ATP12A: variants seen among roughly 807,000 people sequenced by gnomAD.
ATP12A encodes the protein potassium-transporting ATPase alpha chain 2.
ATP12A carries 81 observed loss-of-function variants against 111.2 expected under a neutral mutation model. The ratio of observed to expected loss-of-function variants is 0.73; its 90% confidence interval spans 0.61 to 0.88. The LOEUF (loss-of-function observed/expected upper bound fraction) is 0.88, where lower values mean the gene tolerates loss of function less well. Ranked by LOEUF, ATP12A falls within the 40% of genes least tolerant of loss-of-function variation. The pLI, the probability that ATP12A is intolerant of heterozygous loss-of-function variation, is 0.00. For synonymous variants in ATP12A, 498 were observed against 499.8 expected, an observed-to-expected ratio of 1.00 and a Z score of 0.05; for missense variants, 1,196 against 1,313.1, an observed-to-expected ratio of 0.91 and a Z score of 1.38.
intron 17 of ATP12A, among the ~76,000 whole-genome samples, chr13:24,708,622 C>T (rs1055750691): frequency 3.3e-5 from 5 of 152,028 alleles, no homozygotes; most frequent in Admixed American, 6.6e-5. Flanking sequence ...ACACCTGTAG[C>T]CTAGCTACTC....
intron 8 of ATP12A, among the ~76,000 whole-genome samples, chr13:24,692,212 C>T (rs192683727): frequency 6.6e-6 from 1 of 152,280 alleles, no homozygotes; most frequent in East Asian, 1.9e-4. Context: ...AAAAGCATCT[C>T]ATATTTAATC....
intron 6 of ATP12A, 48 bp from the exon 7 acceptor site, chr13:24,690,556 C>G: frequency 6.2e-7 from 1 of 1,602,330 alleles, no homozygotes; most frequent in Non-Finnish European, 8.5e-7. Flanking sequence ...GTATAAGAGG[C>G]AGGGAATGAG....
At chr13:24,686,606 G>GC (rs1874678909) in intron 3 of ATP12A, among the ~76,000 whole-genome samples, 2 of 152,098 alleles carry the variant, frequency 1.3e-5, no homozygotes, top group Admixed American at 6.5e-5. Context: ...GGGCACGGTG[G>GC]CGGGCGCCTG....
intron 14 of ATP12A, among the ~76,000 whole-genome samples, chr13:24,705,670 A>G (rs1484321960): frequency 6.6e-6 from 1 of 151,962 alleles, no homozygotes; most frequent in East Asian, 1.9e-4. Flanking sequence ...TGGGGGTTTT[A>G]TTTTTATTTT....
At chr13:24,700,112 C>G (rs571786848) in intron 12 of ATP12A, among the ~76,000 whole-genome samples, 13 of 152,316 alleles carry the variant, frequency 8.5e-5, no homozygotes, top group African/African-American at 3.1e-4. Flanking sequence ...GGAGGTCCCA[C>G]CAGACACAAG....
chr13:24,706,911 G>T, intron 15 of ATP12A, 112 bp from the exon 16 acceptor site: 1 of 1,235,660 alleles, frequency 8.1e-7, no homozygotes. Context: ...TTTCCGTTCA[G>T]CTATAATCAT....
chr13:24,705,715 G>T (rs1019078826), intron 14 of ATP12A, among the ~76,000 whole-genome samples: 3 of 152,154 alleles, frequency 2.0e-5, no homozygotes, highest in Non-Finnish European at 2.9e-5. Context: ...TGTCACCCAG[G>T]CTTGAGTGTA....
chr13:24,701,501 C>CAAA (rs10586421), intron 13 of ATP12A, among the ~76,000 whole-genome samples: 15 of 101,348 alleles, frequency 1.5e-4, no homozygotes, highest in Non-Finnish European at 2.0e-4. Flanking sequence ...AACTCTGTCT[C>CAAA]AAAAAAAAAA....
In ATP12A at chr13:24,701,960, C is replaced by A. The variant is rs1300259448; in HGVS notation, c.1907C>A (p.Pro636His). The change falls in exon 14 of 23, where the codon CCC becomes CAC. Residue 636 changes from proline (P) to histidine (H), a missense_variant. Physicochemically the swap from Pro to His is moderately conservative, Grantham distance 77. This residue lies in a region of ATP12A where 1,126 missense variants were observed against 1,228.5 expected (regional missense o/e 0.92). Coordinates refer to ENST00000381946, the MANE Select transcript of ATP12A (RefSeq NM_001676.7). ...IKVIMVTGDHPITAKAIAKSV... is the reference protein window; with the variant it reads ...IKVIMVTGDHHITAKAIAKSV... Reference sequence around the variant, plus strand: ...GTTATTATGGTTACTGGTGATCATCCCATCACAGCCAAAGCTATTGCCAAG... The same window carrying A: ...GTTATTATGGTTACTGGTGATCATCACATCACAGCCAAAGCTATTGCCAAG... The A allele has an allele frequency of 6.2e-7, 1 of 1,614,224 alleles. No individual in the cohort carries two copies.
At position 24,707,367 on chromosome 13, in the gene ATP12A, C is replaced by T; in HGVS notation, c.2427C>T (p.Ile809=). The T allele has an allele frequency of 3.1e-6, 5 of 1,614,254 alleles. No individual in the cohort carries two copies. The highest frequency in any genetic ancestry group is 4.2e-6 in the Non-Finnish European group (5 of 1,180,040). The change falls in exon 17 of 23, where the codon ATC becomes ATT. Residue 809 remains isoleucine, a synonymous_variant. Coordinates refer to ENST00000381946, the MANE Select transcript of ATP12A (RefSeq NM_001676.7). ...AGCTGTGCCCCTTTCTGATCTACAT[C>T]ATTGTCGGGCTCCCCCTGCCCATTG... ...IAELCPFLIY[I]IVGLPLPIGT...
chr13:24,708,094 C>T (rs1875749767), intron 17 of ATP12A, among the ~76,000 whole-genome samples: 1 of 152,138 alleles, frequency 6.6e-6, no homozygotes. Flanking sequence ...CCACTGGGGG[C>T]CCAGTGACTA....
intron 11 of ATP12A, among the ~76,000 whole-genome samples, chr13:24,695,600 C>CTTTTTTTTT (rs34227271): frequency 2.3e-5 from 2 of 88,412 alleles, no homozygotes; most frequent in African/African-American, 4.8e-5. Context: ...GGGAAGAACT[C>CTTTTTTTTT]TTTTTTTTTT....
In ATP12A at chr13:24,692,853, G is replaced by T; in HGVS notation, c.1334G>T (p.Arg445Leu). 1.2e-6 allele frequency: 2 copies of T among 1,614,150 alleles called. No homozygotes were observed. The highest frequency in any genetic ancestry group is 1.7e-6 in the Non-Finnish European group (2 of 1,180,034). ...TCCAAGATAATAACATTGTGTAACC[G>T]AGCAGAGTTCAAGCCAGGACAGGAA... ...SLSKIITLCN[R>L]AEFKPGQENV... The change falls in exon 10 of 23, where the codon CGA (arginine) becomes CTA (leucine). Residue 445 changes from arginine (R) to leucine (L), a missense_variant. Coordinates refer to ENST00000381946, the MANE Select transcript of ATP12A (RefSeq NM_001676.7).
At position 24,707,433 on chromosome 13, in the gene ATP12A, T is replaced by C. The variant is rs370344667; in HGVS notation, c.2493T>C (p.Ile831=). 7.4e-5 allele frequency: 120 copies of C among 1,614,086 alleles called. No individual in the cohort carries two copies. The highest frequency in any genetic ancestry group is 9.8e-5 in the Non-Finnish European group (116 of 1,180,030). The part of the protein sequence containing the change: ...TILFIDLGTD[I]IPSIALAYEK... ...TGTTCATTGACTTGGGGACAGACAT[T>C]GTAAGTGACACTGAAGGGAACAGGC... Residue 831 remains isoleucine, a splice_region_variant and synonymous_variant, in exon 17 of 23, where the codon ATT becomes ATC. Transcript: ENST00000381946.
At chr13:24,686,250 C>A (rs149878198) in intron 3 of ATP12A, among the ~76,000 whole-genome samples, 3,086 of 151,500 alleles carry the variant, frequency 0.02, 60 homozygotes, top group Non-Finnish European at 0.032. Flanking sequence ...ACCAGCCTGA[C>A]CAACATAGTG....
chr13:24,689,963 C>T (rs1459553289), intron 5 of ATP12A, among the ~76,000 whole-genome samples: 1 of 152,142 alleles, frequency 6.6e-6, no homozygotes, highest in Non-Finnish European at 1.5e-5. Flanking sequence ...TGCCCAGACG[C>T]CCAGCCAGGA....
chr13:24,708,965 G>A (rs867111262), intron 17 of ATP12A, among the ~76,000 whole-genome samples: 2,243 of 118,376 alleles, frequency 0.019, 91 homozygotes, highest in African/African-American at 0.045. Context: ...AAGAAAGAAG[G>A]AAAGAGAAAG....
chr13:24,699,663 G>A (rs1875309832), intron 12 of ATP12A, among the ~76,000 whole-genome samples: 1 of 152,228 alleles, frequency 6.6e-6, no homozygotes, highest in Non-Finnish European at 1.5e-5. Context: ...AAAGTGTCAG[G>A]AAGGAAGGAA....
At chr13:24,692,124 G>A (rs1036013114) in intron 8 of ATP12A, among the ~76,000 whole-genome samples, 5 of 152,140 alleles carry the variant, frequency 3.3e-5, no homozygotes, top group Admixed American at 2.6e-4. Flanking sequence ...GTGATTGTAC[G>A]TGAACACGAG....
Sources: allele counts gnomAD v4.1 joint callset (sites outside exome capture counted in the v4.1 genomes callset), GRCh38; gene constraint gnomAD v4.1.1; regional missense constraint gnomAD v4.1.1; transcripts MANE v1.5; gene names NCBI Gene and HGNC (gene_info 2026-07-23, HGNC 2026-07-21).